The following ANKRD55 variants were observed in gnomAD, a reference collection of about 807,000 sequenced individuals.
The protein encoded by ANKRD55 is ankyrin repeat domain-containing protein 55.
A neutral mutation model predicts 60.6 loss-of-function variants in ANKRD55; 41 were observed. The ratio of observed to expected loss-of-function variants is 0.68; its 90% CI spans 0.53 to 0.88. ANKRD55 has a LOEUF of 0.88. Ranked by LOEUF, ANKRD55 falls within the 40% of genes least tolerant of loss-of-function variation. The pLI is 0.00. For missense variants in ANKRD55, 732 were observed against 767.6 expected (o/e 0.95, Z 0.55); for synonymous variants, 264 against 290.3 (o/e 0.91, Z 0.92).
At chr5:56,192,888 G>A (rs1383631711) in intron 2 of ANKRD55, 2 of 643,454 alleles carry the variant, frequency 3.1e-6, no homozygotes, top group Non-Finnish European at 5.5e-6. Context: ...TGGGCCCAGC[G>A]TTGTCTAAAA....
At chr5:56,221,967 C>A (rs1245895846) in intron 2 of ANKRD55, among the ~76,000 whole-genome samples, 1 of 152,198 alleles carries the variant, frequency 6.6e-6, no homozygotes, top group Non-Finnish European at 1.5e-5. Context: ...CAGACTTAAA[C>A]GTCCTTGTCT....
Position 56,170,808 on chromosome 5 carries a change from A to C in ANKRD55, c.313-5T>G, listed in dbSNP as rs779704911. Reference sequence around the variant, plus strand: ...CACACAGCCTTCAAGCCAGCCCTGAAATACAAGAGCAACCACATCATTATA... The same window carrying C: ...CACACAGCCTTCAAGCCAGCCCTGACATACAAGAGCAACCACATCATTATA... On this transcript the variant is annotated splice_region_variant and splice_polypyrimidine_tract_variant and intron_variant, in intron 4 of 11. Transcript: ENST00000341048. 6.2e-7 allele frequency: 1 copy of C among 1,613,204 alleles called. No homozygotes were observed. The highest frequency in any genetic ancestry group is 1.7e-5 in the Admixed American group (1 of 59,988).
chr5:56,188,126 C>A (rs919772002), intron 2 of ANKRD55, among the ~76,000 whole-genome samples: 1 of 152,144 alleles, frequency 6.6e-6, no homozygotes, highest in Non-Finnish European at 1.5e-5. Flanking sequence ...TGGCTTAGAA[C>A]TAAGCCACTC....
intron 5 of ANKRD55, among the ~76,000 whole-genome samples, chr5:56,168,326 G>T (rs1277277291): frequency 6.6e-6 from 1 of 152,152 alleles, no homozygotes; most frequent in African/African-American, 2.4e-5. Flanking sequence ...AACAATTCAT[G>T]TTTTAAATTG....
chr5:56,168,871 T>G (rs1335449587), intron 5 of ANKRD55, among the ~76,000 whole-genome samples: 1 of 152,256 alleles, frequency 6.6e-6, no homozygotes, highest in East Asian at 1.9e-4. Flanking sequence ...CTTTTTGTTT[T>G]TTTGAGACGA....
intron 7 of ANKRD55, among the ~76,000 whole-genome samples, chr5:56,130,666 A>T (rs1163910815): frequency 6.6e-6 from 1 of 152,212 alleles, no homozygotes; most frequent in African/African-American, 2.4e-5. Context: ...CATGGCAGGG[A>T]TATGGGAATT....
chr5:56,179,720 A>G (rs972588131), intron 3 of ANKRD55, among the ~76,000 whole-genome samples: 3 of 152,224 alleles, frequency 2.0e-5, no homozygotes, highest in African/African-American at 7.2e-5. Context: ...TTTGGGTTCC[A>G]GTTCCAACTA....
At position 56,111,187 on chromosome 5, in the gene ANKRD55, T is replaced by G. The variant is rs375415244; in HGVS notation, c.1561A>C (p.Ser521Arg). 1.2e-6 allele frequency: 2 copies of G among 1,614,236 alleles called. No individual in the cohort carries two copies. The highest frequency in any genetic ancestry group is 1.7e-6 in the Non-Finnish European group (2 of 1,180,038). ...ACCTCTTGGTGACCAGGCCGGACAC[T>G]GAGCAATCTGTCCAGCAGCTTATCA... ...SSDKLLDRLL[S>R]VRPGHQEVSV... Residue 521 changes from serine to arginine, a missense_variant, in exon 10 of 12, where the codon AGT (serine) becomes CGT (arginine). This residue lies in a region of ANKRD55 where 597 missense variants were observed against 607.5 expected (regional missense o/e 0.98). Coordinates refer to ENST00000341048, the MANE Select transcript of ANKRD55 (RefSeq NM_024669.3).
chr5:56,113,258 T>C (rs1256726816), intron 9 of ANKRD55, among the ~76,000 whole-genome samples: 1 of 152,160 alleles, frequency 6.6e-6, no homozygotes, highest in Non-Finnish European at 1.5e-5. Context: ...TCTTTTTCAC[T>C]GTGCTGCCTT....
Position 56,111,612 on chromosome 5 carries a change from T to C in ANKRD55, c.1136A>G (p.Asn379Ser), listed in dbSNP as rs1248697198. Residue 379 changes from asparagine (N) to serine (S), a missense_variant, in exon 10 of 12, where the codon AAT becomes AGT. Physicochemically the swap from Asn to Ser is conservative, Grantham distance 46. Around this residue, in one of 3 missense-constraint regions of ANKRD55, gnomAD observed 597 missense variants for 607.5 expected, o/e 0.98. Transcript: ENST00000341048. ...RYREEDTSEV[N>S]DIITTFDSIV... ...GCTATCAAAGGTGGTGATGATGTCA[T>C]TGACTTCTGAGGTGTCCTCCTCTCT... The C allele has an allele frequency of 6.3e-7, 1 of 1,588,844 alleles. No homozygotes were observed. Among genetic ancestry groups the C allele is most frequent in the East Asian group, 2.2e-5 (1 of 44,824 alleles).
At chr5:56,103,749 C>T (rs919556406) in intron 10 of ANKRD55, among the ~76,000 whole-genome samples, 9 of 152,148 alleles carry the variant, frequency 5.9e-5, no homozygotes, top group Non-Finnish European at 1.3e-4. Flanking sequence ...TGATCTTTTG[C>T]CTATCAGTCT....
intron 5 of ANKRD55, among the ~76,000 whole-genome samples, chr5:56,170,040 C>T (rs1580998387): frequency 6.6e-6 from 1 of 152,280 alleles, no homozygotes; most frequent in East Asian, 1.9e-4. Flanking sequence ...TCTTGATCAT[C>T]CAATTTACTT....
At chr5:56,105,429 T>C (rs996034512) in intron 10 of ANKRD55, among the ~76,000 whole-genome samples, 1 of 152,204 alleles carries the variant, frequency 6.6e-6, no homozygotes, top group Non-Finnish European at 1.5e-5. Flanking sequence ...AAGAGCCATA[T>C]TTCCTACAGA....
chr5:56,231,687 A>G (rs1459598208), intron 2 of ANKRD55, among the ~76,000 whole-genome samples: 1 of 151,110 alleles, frequency 6.6e-6, no homozygotes, highest in Non-Finnish European at 1.5e-5. Flanking sequence ...ACACACACAC[A>G]CACACACACA....
At chr5:56,226,265 A>G (rs1760107954) in intron 2 of ANKRD55, among the ~76,000 whole-genome samples, 1 of 152,224 alleles carries the variant, frequency 6.6e-6, no homozygotes. Flanking sequence ...GTGCTGGGAA[A>G]ACTGGCTAGC....
chr5:56,166,193 CCT>C lies in ANKRD55; in HGVS notation c.422+4499_422+4500del, dbSNP rs1456002796. Among the ~76,000 whole-genome samples the C allele has an allele frequency of 4.2e-4, 49 of 116,292 alleles. 3 individuals are homozygous for C. The highest frequency in any genetic ancestry group is 2.0e-3 in the African/African-American group (46 of 23,208). 76.3% of individuals were successfully genotyped at this position (116,292 alleles called of 152,430 possible). The stretch of plus-strand genomic sequence containing the variant: ...TCCTTCCTTCCTTCCTTCCTTCCTT[CCT>C]TCCTTCTCTCTCTCTCTCTCTCTTT... On this transcript the variant is annotated intron_variant, in intron 5 of 11. Transcript: ENST00000341048.
At chr5:56,228,382 G>C (rs934534274) in intron 2 of ANKRD55, among the ~76,000 whole-genome samples, 5 of 151,964 alleles carry the variant, frequency 3.3e-5, no homozygotes, top group African/African-American at 1.2e-4. Flanking sequence ...GGAAGGACCA[G>C]GGAAGATTCT....
intron 2 of ANKRD55, among the ~76,000 whole-genome samples, chr5:56,209,827 TG>T (rs1759617670): frequency 6.6e-6 from 1 of 152,194 alleles, no homozygotes; most frequent in East Asian, 1.9e-4. Flanking sequence ...GAAAGGAACT[TG>T]GAAGTCAATG....
At chr5:56,176,901 G>A (rs1758748973) in intron 3 of ANKRD55, among the ~76,000 whole-genome samples, 1 of 152,178 alleles carries the variant, frequency 6.6e-6, no homozygotes, top group African/African-American at 2.4e-5. Flanking sequence ...CATGAAGCAG[G>A]ATCCAGGTGC....
Sources: allele counts gnomAD v4.1 joint callset (sites outside exome capture counted in the v4.1 genomes callset), GRCh38; gene constraint gnomAD v4.1.1; regional missense constraint gnomAD v4.1.1; transcripts MANE v1.5; gene names NCBI Gene and HGNC (gene_info 2026-07-23, HGNC 2026-07-21).